The following TNS3 variants were observed in gnomAD, a reference collection of about 807,000 sequenced individuals.
TNS3 encodes the protein tensin-3.
Under a neutral mutation model 140.9 loss-of-function variants are expected in TNS3, and 45 were observed. The ratio of observed to expected loss-of-function variants is 0.32; its 90% CI spans 0.25 to 0.41. The LOEUF (loss-of-function observed/expected upper bound fraction) is 0.41. Among genes scored for constraint, TNS3 ranks in the 10% least tolerant of loss-of-function variants. The probability of loss-of-function intolerance (pLI) is 1.00; values close to 1 mark genes in which losing one functional copy is unlikely to be tolerated. For missense variants in TNS3, 1,716 were observed against 1,906.7 expected (o/e 0.90, Z 1.86); for synonymous variants, 815 against 788.4 (o/e 1.03, Z -0.56).
At chr7:47,280,875 T>C (rs1231829320) in intron 28 of TNS3, among the ~76,000 whole-genome samples, 1 of 151,406 alleles carries the variant, frequency 6.6e-6, no homozygotes, top group Non-Finnish European at 1.5e-5. Context: ...ATCGCTCCAC[T>C]GCACTCCAGC....
At chr7:47,499,702 G>T (rs771271885) in intron 3 of TNS3, among the ~76,000 whole-genome samples, 1 of 152,164 alleles carries the variant, frequency 6.6e-6, no homozygotes, top group African/African-American at 2.4e-5. Flanking sequence ...AGCGGCTGCC[G>T]GGGTGCAGGA....
chr7:47,382,060 C>A (rs1374810283), intron 16 of TNS3, among the ~76,000 whole-genome samples: 1 of 152,210 alleles, frequency 6.6e-6, no homozygotes, highest in East Asian at 1.9e-4. Flanking sequence ...GGGGTCCCAG[C>A]CTCCTACAGG....
At chr7:47,445,817 G>A (rs893958682) in intron 4 of TNS3, among the ~76,000 whole-genome samples, 2 of 152,208 alleles carry the variant, frequency 1.3e-5, no homozygotes, top group South Asian at 2.1e-4. Context: ...AAGAGTTTCT[G>A]AAATACTGTG....
intron 7 of TNS3, among the ~76,000 whole-genome samples, chr7:47,436,225 G>C (rs554292243): frequency 6.6e-6 from 1 of 152,230 alleles, no homozygotes; most frequent in African/African-American, 2.4e-5. Flanking sequence ...TATACATTTA[G>C]CATAATTGAG....
At chr7:47,370,550 G>A (rs1175275172) in intron 16 of TNS3, among the ~76,000 whole-genome samples, 1 of 152,208 alleles carries the variant, frequency 6.6e-6, no homozygotes, top group African/African-American at 2.4e-5. Flanking sequence ...ATTAATCACG[G>A]CCATGGCTCT....
chr7:47,581,532 G>A lies in TNS3; in HGVS notation c.-265+519C>T, dbSNP rs933454057. The A allele has an allele frequency of 2.6e-5, 4 of 152,248 alleles. No homozygotes were observed. In the East Asian group the frequency reaches 7.8e-4, roughly 30 times the overall value. 9.4% of individuals were successfully genotyped at this position (152,248 alleles called of 1,614,324 possible). On this transcript the variant is annotated intron_variant, in intron 1 of 30. Coordinates refer to ENST00000311160, the MANE Select transcript of TNS3 (RefSeq NM_022748.12). ...TGGAGTCTCGAGACGGAGTCCTAGG[G>A]AGCAAAGTCCGCTCGGTCCCGACAG...
chr7:47,460,111 G>A (rs1402385327), intron 4 of TNS3, among the ~76,000 whole-genome samples: 1 of 151,718 alleles, frequency 6.6e-6, no homozygotes, highest in African/African-American at 2.4e-5. Context: ...TACTCGGGAG[G>A]CTGAGGCAGG....
intron 8 of TNS3, 106 bp downstream of exon 8, chr7:47,435,176 C>T (rs1360607213): frequency 1.0e-5 from 15 of 1,475,928 alleles, no homozygotes; most frequent in Admixed American, 2.0e-5. Flanking sequence ...GAGCACATCG[C>T]ACCAGCTCAA....
intron 16 of TNS3, among the ~76,000 whole-genome samples, chr7:47,394,820 C>T (rs752251169): frequency 3.9e-5 from 6 of 152,228 alleles, no homozygotes; most frequent in Admixed American, 2.0e-4. Context: ...ATGCTGCAGG[C>T]GCCCAGCTTT....
chr7:47,498,456 G>A (rs1354840572), intron 3 of TNS3, among the ~76,000 whole-genome samples: 1 of 152,202 alleles, frequency 6.6e-6, no homozygotes, highest in South Asian at 2.1e-4. Context: ...TACTGGCCAC[G>A]TAGTTAAAAT....
rs575745196 is a variant in TNS3, at chr7:47,356,644, C to T, written c.2282-10288G>A. On this transcript the variant is annotated intron_variant, in intron 17 of 30. Coordinates refer to ENST00000311160, the MANE Select transcript of TNS3 (RefSeq NM_022748.12). ...ACAGTAGACCTTAGGTGCTCTTACACAAAAGTAACTAGGTAAAGTGGTGGA... is the reference window on the plus strand; with the variant it reads ...ACAGTAGACCTTAGGTGCTCTTACATAAAAGTAACTAGGTAAAGTGGTGGA... 7.9e-5 allele frequency among the ~76,000 whole-genome samples: 12 copies of T among 152,282 alleles called. No individual in the cohort carries two copies. In the East Asian group the frequency reaches 2.3e-3, roughly 29 times the overall value.
intron 2 of TNS3, among the ~76,000 whole-genome samples, chr7:47,516,893 A>T (rs1001780628): frequency 6.6e-5 from 10 of 151,926 alleles, no homozygotes; most frequent in African/African-American, 2.4e-4. Context: ...TGAAACCCCA[A>T]CTCTACTAAA....
rs182519890 is a variant in TNS3 at position 47,381,213 on chromosome 7, T to C, written c.1025-11592A>G. 7.8e-4 allele frequency among the ~76,000 whole-genome samples: 119 copies of C among 152,342 alleles called. 1 individual carries two copies. The highest frequency in any genetic ancestry group is 1.0e-4 in the Non-Finnish European group (7 of 68,026). On this transcript the variant is annotated intron_variant, in intron 16 of 30. Transcript: ENST00000311160. The stretch of plus-strand genomic sequence containing the variant: ...AAGCACAGTTTCAGCCTCCTTTTGC[T>C]TTCTTCAAAGTAACCAGGCGGAAAA...
intron 2 of TNS3, among the ~76,000 whole-genome samples, chr7:47,510,860 T>C (rs867316889): frequency 7.8e-6 from 1 of 128,322 alleles, no homozygotes; most frequent in Admixed American, 8.1e-5. Context: ...AGACTGTCTT[T>C]AAAAAAAAAA....
chr7:47,374,551 A>C (rs1300346017), intron 16 of TNS3, among the ~76,000 whole-genome samples: 2 of 152,198 alleles, frequency 1.3e-5, no homozygotes, highest in East Asian at 3.8e-4. Flanking sequence ...AAGCTGCAGG[A>C]TAAGAGCAAT....
chr7:47,547,835 C>T (rs1296586609), intron 1 of TNS3, among the ~76,000 whole-genome samples: 1 of 152,218 alleles, frequency 6.6e-6, no homozygotes, highest in Admixed American at 6.5e-5. Context: ...TCATGTGCAT[C>T]GCTGCCAGGT....
chr7:47,454,755 G>A (rs1302714672), intron 4 of TNS3, among the ~76,000 whole-genome samples: 6 of 152,098 alleles, frequency 3.9e-5, no homozygotes, highest in East Asian at 3.9e-4. Context: ...TGCAGGCAGC[G>A]GCCAGCCAGG....
intron 1 of TNS3, among the ~76,000 whole-genome samples, chr7:47,565,134 G>T (rs890123251): frequency 4.0e-5 from 6 of 151,126 alleles, no homozygotes; most frequent in African/African-American, 1.5e-4. Context: ...CTGGAGTGCA[G>T]TGGCGCGATC....
chr7:47,365,039 T>C (rs1790611588), intron 17 of TNS3, among the ~76,000 whole-genome samples: 1 of 152,242 alleles, frequency 6.6e-6, no homozygotes, highest in Non-Finnish European at 1.5e-5. Flanking sequence ...TACCCAAATA[T>C]GCACTGAATT....
Sources: gnomAD v4.1 joint callset for allele counts (sites outside exome capture counted in the v4.1 genomes callset) on GRCh38, gnomAD v4.1.1 for gene constraint, MANE v1.5 for transcripts, NCBI Gene and HGNC (gene_info 2026-07-23, HGNC 2026-07-21) for gene names.